Variants in NAV3 observed in about 807,000 individuals in gnomAD.
NAV3 encodes the protein neuron navigator 3, also known as pore membrane and/or filament interacting like protein 1.
NAV3 carries 87 observed loss-of-function variants against 244.7 expected under a neutral mutation model. That is an observed-to-expected ratio of 0.36 (90% CI 0.30 to 0.42). NAV3 has a LOEUF of 0.42. NAV3 is among the 20% of genes least tolerant of loss of function. NAV3 has a pLI of 1.00. For synonymous variants in NAV3, 1,126 were observed against 1,042.2 expected, an observed-to-expected ratio of 1.08 and a Z score of -1.55; for missense variants, 2,663 against 2,893.3, an observed-to-expected ratio of 0.92 and a Z score of 1.83.
intron 19 of NAV3, among the ~76,000 whole-genome samples, chr12:78,138,647 T>A (rs1956475354): frequency 6.6e-6 from 1 of 152,198 alleles, no homozygotes. Context: ...GAAATGGTTC[T>A]GTTGCTCTCT....
intron 5 of NAV3, among the ~76,000 whole-genome samples, chr12:77,970,407 C>G (rs190798227): frequency 1.1e-3 from 167 of 152,228 alleles, no homozygotes; most frequent in African/African-American, 3.8e-3. Context: ...ATCTACCAAC[C>G]AACCCTCATA....
chr12:77,995,322 C>A (rs1872174841), intron 6 of NAV3, among the ~76,000 whole-genome samples: 1 of 152,120 alleles, frequency 6.6e-6, no homozygotes, highest in African/African-American at 2.4e-5. Context: ...GACTGTTCTT[C>A]TATCTATAAT....
Position 78,140,334 on chromosome 12 carries a change from A to G in NAV3, c.4683A>G (p.Thr1561=). The G allele has an allele frequency of 2.5e-6, 4 of 1,612,000 alleles. No homozygotes were observed. Among genetic ancestry groups the G allele is most frequent in the Non-Finnish European group, 3.4e-6 (4 of 1,178,402 alleles). ...LVSSTSSLYS[T]AEEKAHSEQI... ...CCAGCACTTCTTCTCTTTACTCTAC[A>G]GTAAGTAATGGCTGTTAAGAAAAAG... is the stretch of plus-strand genomic sequence containing the variant. Residue 1561 remains threonine, a splice_region_variant and synonymous_variant, in exon 20 of 40, where the codon ACA becomes ACG. Transcript: ENST00000397909.
chr12:77,754,240 G>A (rs1869010186), intron 2 of NAV3, among the ~76,000 whole-genome samples: 1 of 151,994 alleles, frequency 6.6e-6, no homozygotes, highest in Admixed American at 6.6e-5. Flanking sequence ...AGCTGATATT[G>A]GCATGAGATT....
intron 1 of NAV3, among the ~76,000 whole-genome samples, chr12:77,876,134 A>G (rs1881816764): frequency 6.6e-6 from 1 of 152,086 alleles, no homozygotes; most frequent in Admixed American, 6.5e-5. Context: ...ACATCATTAT[A>G]TTGTATCATA....
At chr12:78,116,014 C>G (rs1203238620) in intron 12 of NAV3, among the ~76,000 whole-genome samples, 2 of 152,134 alleles carry the variant, frequency 1.3e-5, no homozygotes, top group African/African-American at 2.4e-5. Context: ...TTTTCTTATG[C>G]ACTGTGTGGC....
Position 77,831,722 on chromosome 12 carries a change from C to A in NAV3, c.243+18C>A. 6.3e-7 allele frequency: 1 copy of A among 1,579,974 alleles called. No individual in the cohort carries two copies. The highest frequency in any genetic ancestry group is 8.6e-7 in the Non-Finnish European group (1 of 1,166,900). ...ACAGCAAGGTTAGTTGCTGAAGTTA[C>A]CTGCAGACTTGTGTAGCTAAAATGC... On this transcript the variant is annotated intron_variant, in intron 1 of 39. Coordinates refer to ENST00000397909, the MANE Select transcript of NAV3 (RefSeq NM_001024383.2).
chr12:78,026,780 G>C (rs576925479), intron 9 of NAV3, among the ~76,000 whole-genome samples: 1 of 152,212 alleles, frequency 6.6e-6, no homozygotes, highest in Admixed American at 6.5e-5. Context: ...TGGATGGTTA[G>C]TATATAGATA....
At chr12:77,844,692 G>A (rs1876316159) in intron 1 of NAV3, among the ~76,000 whole-genome samples, 1 of 151,372 alleles carries the variant, frequency 6.6e-6, no homozygotes, top group Admixed American at 6.6e-5. Flanking sequence ...TTTTTTCGTT[G>A]GGCAGAAAGA....
At chr12:77,953,739 C>G (rs1402532437) in intron 3 of NAV3, among the ~76,000 whole-genome samples, 1 of 152,136 alleles carries the variant, frequency 6.6e-6, no homozygotes, top group East Asian at 1.9e-4. Context: ...GCCCCCAGCA[C>G]TAAGACTCAA....
At chr12:78,147,829 A>G (rs1275889899) in intron 21 of NAV3, among the ~76,000 whole-genome samples, 3 of 152,090 alleles carry the variant, frequency 2.0e-5, no homozygotes, top group South Asian at 2.1e-4. Flanking sequence ...AAGTTCAACT[A>G]CAACTATAGA....
chr12:78,039,099 A>G (rs1880414591), intron 9 of NAV3, among the ~76,000 whole-genome samples: 1 of 152,150 alleles, frequency 6.6e-6, no homozygotes, highest in African/African-American at 2.4e-5. Context: ...ATGCAAGTGA[A>G]AAAGTAAGGG....
rs1592499018 is a variant in NAV3 at position 77,607,705 on chromosome 12, C to G, written c.72+35439C>G. Among the ~76,000 whole-genome samples the G allele has an allele frequency of 3.3e-5, 5 of 152,178 alleles. No individual in the cohort carries two copies. The South Asian group carries it at 1.0e-3, about 32-fold the overall frequency. ...GCAACCTTATTTTCTTCTGTCTTAA[C>G]CCCATACCATTTCTATTGTCTGATC... On this transcript the variant is annotated intron_variant, in intron 2 of 8. Coordinates refer to the NAV3 transcript ENST00000550042.
At chr12:77,755,435 T>A (rs548840376) in intron 2 of NAV3, among the ~76,000 whole-genome samples, 1 of 152,098 alleles carries the variant, frequency 6.6e-6, no homozygotes, top group South Asian at 2.1e-4. Context: ...GTTGATGGGA[T>A]CTTCTTTTCT....
chr12:78,098,578 A>G (rs965866324), intron 12 of NAV3, among the ~76,000 whole-genome samples: 3 of 151,932 alleles, frequency 2.0e-5, no homozygotes, highest in Non-Finnish European at 4.4e-5. Flanking sequence ...TTATATCATA[A>G]AATTTTCTGG....
chr12:77,789,875 G>C (rs372397143), intron 2 of NAV3, among the ~76,000 whole-genome samples: 2,973 of 136,852 alleles, frequency 0.022, 90 homozygotes, highest in African/African-American at 0.071. Context: ...CACAAAAAAA[G>C]TCTCATAACA....
chr12:77,602,006 G>A (rs1045703808), intron 2 of NAV3, among the ~76,000 whole-genome samples: 1 of 152,020 alleles, frequency 6.6e-6, no homozygotes, highest in Non-Finnish European at 1.5e-5. Context: ...AAATAGTCTA[G>A]TTTAAACAAG....
chr12:77,880,828 C>T (rs1261988436), intron 1 of NAV3, among the ~76,000 whole-genome samples: 2 of 152,156 alleles, frequency 1.3e-5, no homozygotes, highest in Admixed American at 1.3e-4. Context: ...GTGTAGTGGG[C>T]TGTTCCATCT....
intron 9 of NAV3, among the ~76,000 whole-genome samples, chr12:78,031,902 T>TAAAAA (rs542284738): frequency 8.7e-5 from 13 of 148,896 alleles, no homozygotes; most frequent in Non-Finnish European, 1.9e-4. Flanking sequence ...ATAATAATAA[T>TAAAAA]AAAAAAAAAG....
Sources: gnomAD v4.1 joint callset for allele counts (sites outside exome capture counted in the v4.1 genomes callset) on GRCh38, gnomAD v4.1.1 for gene constraint, MANE v1.5 for transcripts, NCBI Gene and HGNC (gene_info 2026-07-23, HGNC 2026-07-21) for gene names.